Variants in VTA1 observed in about 807,000 individuals in gnomAD.
The protein encoded by VTA1 is vacuolar protein sorting-associated protein VTA1 homolog.
VTA1 carries 24 observed loss-of-function variants against 36.9 expected under a neutral mutation model. The observed-to-expected ratio is 0.65, with a 90% confidence interval of 0.47 to 0.91. The LOEUF is 0.91. Among genes scored for constraint, VTA1 ranks in the 40% least tolerant of loss-of-function variants. VTA1 has a pLI of 0.00. For missense variants in VTA1, 393 were observed against 377.2 expected (o/e 1.04, Z -0.35); for synonymous variants, 142 against 130.2 (o/e 1.09, Z -0.62).
intron 5 of VTA1, among the ~76,000 whole-genome samples, chr6:142,196,552 G>A (rs371608867): frequency 1.6e-4 from 24 of 151,942 alleles, no homozygotes; most frequent in Admixed American, 1.2e-3. Context: ...TTTCCTTTCT[G>A]TTAATACCAT....
chr6:142,160,705 C>G (rs1412408096), intron 1 of VTA1, among the ~76,000 whole-genome samples: 1 of 152,040 alleles, frequency 6.6e-6, no homozygotes, highest in East Asian at 1.9e-4. Context: ...TCTCTGTTGT[C>G]TGAAAACTTG....
intron 5 of VTA1, 108 bp downstream of exon 5, chr6:142,189,642 C>T (rs968951086): frequency 1.3e-5 from 10 of 746,080 alleles, no homozygotes; most frequent in Non-Finnish European, 2.1e-5. Flanking sequence ...TCATCAGGCC[C>T]AGAATCAATG....
At chr6:142,192,406 TG>T (rs1775472080) in intron 5 of VTA1, among the ~76,000 whole-genome samples, 1 of 152,080 alleles carries the variant, frequency 6.6e-6, no homozygotes, top group South Asian at 2.1e-4. Context: ...TTTTTTGGGA[TG>T]TAACACCATC....
intron 4 of VTA1, among the ~76,000 whole-genome samples, chr6:142,178,546 A>G (rs1424010025): frequency 6.6e-6 from 1 of 152,156 alleles, no homozygotes; most frequent in Non-Finnish European, 1.5e-5. Flanking sequence ...CACTGGACAC[A>G]GTAATGTAGG....
intron 6 of VTA1, among the ~76,000 whole-genome samples, chr6:142,200,565 T>C (rs895236748): frequency 1.3e-5 from 2 of 151,984 alleles, no homozygotes; most frequent in African/African-American, 4.8e-5. Context: ...AGGAGGGCTA[T>C]AGTAGATCGA....
intron 7 of VTA1, among the ~76,000 whole-genome samples, chr6:142,208,626 G>T (rs192934362): frequency 1.3e-5 from 2 of 152,202 alleles, no homozygotes; most frequent in African/African-American, 4.8e-5. Context: ...CTACCTGAAG[G>T]CATGTAGTAA....
intron 4 of VTA1, among the ~76,000 whole-genome samples, chr6:142,187,468 A>G (rs996086111): frequency 6.6e-6 from 1 of 152,218 alleles, no homozygotes; most frequent in Non-Finnish European, 1.5e-5. Flanking sequence ...AGGCTGACGC[A>G]TGTGGGCTCC....
At chr6:142,181,196 C>T (rs1420932775) in intron 4 of VTA1, among the ~76,000 whole-genome samples, 6 of 141,368 alleles carry the variant, frequency 4.2e-5, no homozygotes, top group South Asian at 4.5e-4. Flanking sequence ...TGCAGTGGCG[C>T]GATCTCACCT....
rs770642122 is a variant in VTA1, at chr6:142,147,361, A to G, written c.74A>G (p.Gln25Arg). Residue 25 changes from glutamine to arginine, a missense_variant, in exon 1 of 8, where the codon CAG (glutamine) becomes CGG (arginine). Physicochemically the swap from Gln to Arg is conservative, Grantham distance 43. Coordinates refer to ENST00000367630, the MANE Select transcript of VTA1 (RefSeq NM_016485.5). ...KSIQHHLRTA[Q>R]EHDKRDPVVA... ...ATACAGCATCATCTGAGGACGGCTCAGGAGCATGACAAGCGAGACCCTGTG... is the reference window on the plus strand; with the variant it reads ...ATACAGCATCATCTGAGGACGGCTCGGGAGCATGACAAGCGAGACCCTGTG... 2 of 1,614,200 alleles carry G rather than the reference A, an allele frequency of 1.2e-6. No individual in the cohort carries two copies. Among genetic ancestry groups the G allele is most frequent in the Admixed American group, 3.3e-5 (2 of 60,034 alleles).
chr6:142,181,094 A>AAAATATATATATATATATATATATAT (rs1471429927), intron 4 of VTA1, among the ~76,000 whole-genome samples: 12 of 36,414 alleles, frequency 3.3e-4, no homozygotes, highest in Non-Finnish European at 5.2e-4. Context: ...AAAAAAAAAA[A>AAAATATATATATATATATATATATAT]ATATATATAT....
At chr6:142,185,746 T>G (rs1775328496) in intron 4 of VTA1, among the ~76,000 whole-genome samples, 1 of 152,240 alleles carries the variant, frequency 6.6e-6, no homozygotes, top group Admixed American at 6.5e-5. Context: ...TCTATCTAAC[T>G]GTATCATAAA....
intron 1 of VTA1, among the ~76,000 whole-genome samples, chr6:142,162,690 G>A (rs1582878996): frequency 6.6e-6 from 1 of 152,160 alleles, no homozygotes; most frequent in Non-Finnish European, 1.5e-5. Flanking sequence ...GTTTATGTAT[G>A]AGTATGCTTT....
Position 142,170,372 on chromosome 6 carries a change from C to T in VTA1, c.362C>T (p.Ala121Val). The T allele has an allele frequency of 6.2e-7, 1 of 1,608,670 alleles. No homozygotes were observed. The highest frequency in any genetic ancestry group is 8.5e-7 in the Non-Finnish European group (1 of 1,177,650). ...HKNMIKSFYTASLLIDVITVF... is the reference protein window; with the variant it reads ...HKNMIKSFYTVSLLIDVITVF... Reference sequence around the variant, plus strand: ...AACATGATCAAGTCCTTCTATACTGCAAGTCTTTTGATAGATGTCATAACA... The same window carrying T: ...AACATGATCAAGTCCTTCTATACTGTAAGTCTTTTGATAGATGTCATAACA... Residue 121 changes from alanine (A) to valine (V), a missense_variant, in exon 4 of 8, where the codon GCA becomes GTA. Ala to Val is a moderately conservative substitution (Grantham distance 64). Transcript: ENST00000367630.
intron 1 of VTA1, among the ~76,000 whole-genome samples, chr6:142,159,581 T>C (rs959249684): frequency 6.6e-5 from 10 of 150,462 alleles, no homozygotes; most frequent in Non-Finnish European, 1.3e-4. Flanking sequence ...TGATGCAATC[T>C]CAGCTCACTG....
intron 7 of VTA1, among the ~76,000 whole-genome samples, chr6:142,212,711 T>C (rs971564129): frequency 8.5e-5 from 13 of 152,256 alleles, no homozygotes; most frequent in South Asian, 2.1e-4. Flanking sequence ...AGGAAACTTA[T>C]AATCATGGCA....
chr6:142,181,095 A>ATG (rs1775225739), intron 4 of VTA1, among the ~76,000 whole-genome samples: 1 of 35,262 alleles, frequency 2.8e-5, no homozygotes, highest in African/African-American at 1.1e-4. Flanking sequence ...AAAAAAAAAA[A>ATG]TATATATATA....
chr6:142,202,322 A>G (rs1381654917), intron 6 of VTA1, among the ~76,000 whole-genome samples: 1 of 151,936 alleles, frequency 6.6e-6, no homozygotes, highest in Non-Finnish European at 1.5e-5. Flanking sequence ...CTCACTTTGC[A>G]TTTATACTTT....
At chr6:142,154,795 C>T (rs1778631822) in intron 1 of VTA1, among the ~76,000 whole-genome samples, 1 of 151,948 alleles carries the variant, frequency 6.6e-6, no homozygotes, top group Admixed American at 6.6e-5. Flanking sequence ...TGTTTTTGCT[C>T]ATTATTTTTG....
intron 7 of VTA1, among the ~76,000 whole-genome samples, chr6:142,204,362 T>C (rs1459169773): frequency 1.3e-5 from 2 of 152,202 alleles, no homozygotes; most frequent in African/African-American, 2.4e-5. Flanking sequence ...TGGAAGCCTA[T>C]GCTAGATTAT....
Sources: gnomAD v4.1 joint callset for allele counts (sites outside exome capture counted in the v4.1 genomes callset) on GRCh38, gnomAD v4.1.1 for gene constraint, MANE v1.5 for transcripts, NCBI Gene and HGNC (gene_info 2026-07-23, HGNC 2026-07-21) for gene names.